The following EBF2 variants were observed in gnomAD, a reference collection of about 807,000 sequenced individuals.
EBF2 encodes the protein transcription factor COE2.
In EBF2, 21 loss-of-function variants were observed where a neutral mutation model predicts 72.8. That is an observed-to-expected ratio of 0.29 (90% CI 0.20 to 0.42). The LOEUF (loss-of-function observed/expected upper bound fraction) is 0.42, where lower values mean the gene tolerates loss of function less well. Ranked by LOEUF, EBF2 falls within the 10% of genes least tolerant of loss-of-function variation. The pLI is 1.00. For missense variants in EBF2, 637 were observed against 731.2 expected (o/e 0.87, Z 1.49); for synonymous variants, 299 against 274.2 (o/e 1.09, Z -0.89).
At chr8:25,988,096 G>A (rs1804490090) in intron 6 of EBF2, among the ~76,000 whole-genome samples, 1 of 152,112 alleles carries the variant, frequency 6.6e-6, no homozygotes. Flanking sequence ...CTTGTCCATG[G>A]ATCCATTTGG....
chr8:25,989,106 T>C (rs575634531), intron 6 of EBF2, among the ~76,000 whole-genome samples: 2 of 152,370 alleles, frequency 1.3e-5, no homozygotes, highest in South Asian at 4.1e-4. Flanking sequence ...TGCCTTAGCC[T>C]CTTTGGGCCT....
chr8:25,907,123 C>CA, intron 7 of EBF2, among the ~76,000 whole-genome samples: 1 of 151,908 alleles, frequency 6.6e-6, no homozygotes, highest in Non-Finnish European at 1.5e-5. Context: ...ATTCCTTGTT[C>CA]AAAAATTATT....
At chr8:25,901,746 T>C (rs1021344752) in intron 7 of EBF2, among the ~76,000 whole-genome samples, 3 of 152,186 alleles carry the variant, frequency 2.0e-5, no homozygotes, top group African/African-American at 7.2e-5. Context: ...GAGTATCATT[T>C]AGCTCCACAA....
intron 14 of EBF2, 33 bp from the exon 15 acceptor site, chr8:25,850,794 A>G: frequency 3.2e-6 from 5 of 1,541,410 alleles, no homozygotes; most frequent in Non-Finnish European, 4.3e-6. Context: ...TCATTTAGAA[A>G]TTAAGATCTT....
In EBF2 at chr8:26,040,586, C is replaced by A. The variant is rs1044384938; in HGVS notation, c.408+30G>T. 5 of 1,548,946 alleles carry A rather than the reference C, an allele frequency of 3.2e-6. No individual in the cohort carries two copies. The Admixed American group carries it at 5.9e-5, about 18-fold the overall frequency. ...TTTGGGGGTCGGGGTCAGAGACAGG[C>A]GAAGAGAAGCCAAGTGGCCTCCGGC... On this transcript the variant is annotated intron_variant, in intron 4 of 15. Coordinates refer to ENST00000520164, the MANE Select transcript of EBF2 (RefSeq NM_022659.4).
At chr8:25,873,439 G>T in intron 10 of EBF2, among the ~76,000 whole-genome samples, 1 of 152,122 alleles carries the variant, frequency 6.6e-6, no homozygotes, top group East Asian at 1.9e-4. Context: ...TTTAACCTTG[G>T]CTACATTGAA....
intron 6 of EBF2, among the ~76,000 whole-genome samples, chr8:25,997,603 C>T (rs1014096981): frequency 1.3e-5 from 2 of 151,120 alleles, no homozygotes; most frequent in African/African-American, 4.9e-5. Flanking sequence ...TCAAACAGAC[C>T]CATTCTAACC....
At chr8:25,874,901 G>A (rs58174308) in intron 10 of EBF2, among the ~76,000 whole-genome samples, 14,952 of 141,896 alleles carry the variant, frequency 0.11, 1,487 homozygotes, top group African/African-American at 0.26. Flanking sequence ...GCCTGGGTTG[G>A]TCTCAAACTC....
intron 14 of EBF2, among the ~76,000 whole-genome samples, chr8:25,853,776 G>T (rs1388384176): frequency 6.6e-6 from 1 of 151,900 alleles, no homozygotes; most frequent in Non-Finnish European, 1.5e-5. Context: ...ACAATAGAAG[G>T]CTATGCCAAT....
At chr8:25,884,065 G>A (rs1028241973) in intron 10 of EBF2, among the ~76,000 whole-genome samples, 4 of 152,098 alleles carry the variant, frequency 2.6e-5, no homozygotes, top group Admixed American at 2.0e-4. Flanking sequence ...GATGCTGGTT[G>A]CTCCTCTGCT....
At chr8:25,936,528 G>A (rs1436705447) in intron 6 of EBF2, among the ~76,000 whole-genome samples, 1 of 152,160 alleles carries the variant, frequency 6.6e-6, no homozygotes, top group Non-Finnish European at 1.5e-5. Flanking sequence ...TAATGACCAG[G>A]ACTTTGCACT....
chr8:25,854,256 A>G (rs949163379), intron 14 of EBF2, among the ~76,000 whole-genome samples: 1 of 147,250 alleles, frequency 6.8e-6, no homozygotes, highest in South Asian at 2.1e-4. Context: ...AAAAAAAAGC[A>G]AGAGATGAAT....
Position 25,914,913 on chromosome 8 carries a change from G to T in EBF2, c.552-6358C>A, listed in dbSNP as rs185955447. 1.1e-3 allele frequency among the ~76,000 whole-genome samples: 160 copies of T among 152,210 alleles called. 4 individuals are homozygous for T. In the East Asian group the frequency reaches 0.023, roughly 22 times the overall value. On this transcript the variant is annotated intron_variant, in intron 6 of 15. Transcript: ENST00000520164. ...GTTCACCCAGATTATTTCAATAAAA[G>T]CCCATTTAAGATCTGAAAAATTTAA...
chr8:25,893,911 G>A (rs1349316045), intron 7 of EBF2, among the ~76,000 whole-genome samples: 2 of 152,104 alleles, frequency 1.3e-5, no homozygotes, highest in South Asian at 4.1e-4. Context: ...GCTGGCTCAC[G>A]CTGGCCTCTC....
chr8:25,866,632 TATA>T (rs202186978), intron 10 of EBF2, among the ~76,000 whole-genome samples: 15,863 of 107,464 alleles, frequency 0.15, 1,138 homozygotes, highest in Middle Eastern at 0.19. Flanking sequence ...TATATATATA[TATA>T]TTTTTTTTTT....
intron 6 of EBF2, among the ~76,000 whole-genome samples, chr8:25,960,833 G>T (rs11781259): frequency 0.48 from 73,687 of 152,064 alleles, 18,420 homozygotes; most frequent in East Asian, 0.88. Context: ...TGTAATTAAT[G>T]AAGTCCACTT....
intron 6 of EBF2, among the ~76,000 whole-genome samples, chr8:25,972,957 A>G (rs1477404727): frequency 1.4e-5 from 2 of 144,376 alleles, no homozygotes; most frequent in African/African-American, 2.5e-5. Flanking sequence ...TCTCTCCCCA[A>G]CTCCCACCCA....
At chr8:25,906,644 G>A (rs777085365) in intron 7 of EBF2, among the ~76,000 whole-genome samples, 1 of 152,130 alleles carries the variant, frequency 6.6e-6, no homozygotes, top group Non-Finnish European at 1.5e-5. Flanking sequence ...GCATGTGCCT[G>A]TAGTCCCAGC....
intron 5 of EBF2, among the ~76,000 whole-genome samples, chr8:26,037,809 G>A (rs973479004): frequency 2.0e-5 from 3 of 152,100 alleles, no homozygotes; most frequent in African/African-American, 7.2e-5. Flanking sequence ...GACCATTGGG[G>A]AAGGGAGAAA....
Sources: allele counts gnomAD v4.1 joint callset (sites outside exome capture counted in the v4.1 genomes callset), GRCh38; gene constraint gnomAD v4.1.1; transcripts MANE v1.5; gene names NCBI Gene and HGNC (gene_info 2026-07-23, HGNC 2026-07-21).